The following SUPV3L1 variants were observed in gnomAD, a reference collection of about 807,000 sequenced individuals.
The protein encoded by SUPV3L1 is Suv3 like RNA helicase, also known as ATP-dependent RNA helicase SUPV3L1, mitochondrial.
SUPV3L1 carries 35 observed loss-of-function variants against 70.0 expected under a neutral mutation model. The ratio of observed to expected loss-of-function variants is 0.50; its 90% CI spans 0.38 to 0.66. The LOEUF (loss-of-function observed/expected upper bound fraction) is 0.66, where lower values mean the gene tolerates loss of function less well. Ranked by LOEUF, SUPV3L1 falls within the 30% of genes least tolerant of loss-of-function variation. The probability of loss-of-function intolerance (pLI) is 0.00; values close to 1 mark genes in which losing one functional copy is unlikely to be tolerated. For missense variants in SUPV3L1, 777 were observed against 961.5 expected, an observed-to-expected ratio of 0.81 and a Z score of 2.54; for synonymous variants, 364 against 341.9, an observed-to-expected ratio of 1.06 and a Z score of -0.71.
At position 69,207,854 on chromosome 10, in the gene SUPV3L1, A is replaced by G. The variant is rs141062949; in HGVS notation, c.1838A>G (p.Lys613Arg). The change falls in exon 14 of 15, where the codon AAA becomes AGA. Residue 613 changes from lysine (K) to arginine (R), a missense_variant. Lys to Arg is a conservative substitution (Grantham distance 26). This residue lies in a region of SUPV3L1 where 619 missense variants were observed against 823.3 expected (regional missense o/e 0.75). Transcript: ENST00000359655. ...TTTGCATGGTTACGCCGATACATCAAATGGCCTTTACTTCCACCTAAGAAT... is the reference window on the plus strand; with the variant it reads ...TTTGCATGGTTACGCCGATACATCAGATGGCCTTTACTTCCACCTAAGAAT... ...LTFAWLRRYI[K>R]WPLLPPKNIK... 1.2e-4 allele frequency: 189 copies of G among 1,614,026 alleles called. No individual in the cohort carries two copies. Among genetic ancestry groups the G allele is most frequent in the South Asian group, 6.6e-5 (6 of 91,084 alleles).
intron 6 of SUPV3L1, 88 bp downstream of exon 6, chr10:69,191,854 T>G: frequency 1.1e-6 from 1 of 932,486 alleles, no homozygotes; most frequent in Non-Finnish European, 1.6e-6. Context: ...TTGTCCAGGC[T>G]GGAATGCAAT....
chr10:69,196,973 C>T lies in SUPV3L1; in HGVS notation c.932-19C>T. ...ATTATAAATCTTTAAAATTAAGAAA[C>T]CCAGTTTTGCATTGACAGGACTGTG... On this transcript the variant is annotated intron_variant, in intron 7 of 14. Coordinates refer to ENST00000359655, the MANE Select transcript of SUPV3L1 (RefSeq NM_003171.5). 1 of 1,608,450 alleles carries T rather than the reference C, an allele frequency of 6.2e-7. No individual in the cohort carries two copies.
intron 6 of SUPV3L1, chr10:69,192,839 A>G (rs891277094): frequency 6.6e-6 from 1 of 152,046 alleles, no homozygotes; most frequent in African/African-American, 2.4e-5. Context: ...CTGAGTAGCT[A>G]CAACTACAGG....
At chr10:69,188,134 C>T (rs936318824) in intron 4 of SUPV3L1, among the ~76,000 whole-genome samples, 21 of 152,172 alleles carry the variant, frequency 1.4e-4, no homozygotes, top group African/African-American at 5.1e-4. Flanking sequence ...TCCACTGAAA[C>T]CCTTGGTAGG....
At chr10:69,184,985 A>G (rs1041855141) in intron 1 of SUPV3L1, among the ~76,000 whole-genome samples, 12 of 152,200 alleles carry the variant, frequency 7.9e-5, no homozygotes, top group African/African-American at 2.9e-4. Flanking sequence ...ATACAATCTC[A>G]GCTTGATTAG....
intron 14 of SUPV3L1, 121 bp downstream of exon 14, chr10:69,208,062 A>C: frequency 7.9e-7 from 1 of 1,259,304 alleles, no homozygotes; most frequent in Non-Finnish European, 1.1e-6. Flanking sequence ...TATTATGTCT[A>C]TTGTCCATAA....
intron 3 of SUPV3L1, 40 bp from the exon 4 acceptor site, chr10:69,187,602 A>G: frequency 7.2e-7 from 1 of 1,380,990 alleles, no homozygotes; most frequent in Non-Finnish European, 1.0e-6. Flanking sequence ...TACGAATTTT[A>G]TGTAGATTGC....
intron 11 of SUPV3L1, among the ~76,000 whole-genome samples, chr10:69,202,117 G>A (rs1420469446): frequency 6.6e-6 from 1 of 152,148 alleles, no homozygotes; most frequent in Non-Finnish European, 1.5e-5. Context: ...GGGATTACAG[G>A]CATGAGCCAC....
chr10:69,186,764 A>G (rs1842243934), intron 3 of SUPV3L1, among the ~76,000 whole-genome samples: 1 of 152,142 alleles, frequency 6.6e-6, no homozygotes, highest in Non-Finnish European at 1.5e-5. Context: ...TATGTCTTAG[A>G]CTGGAGGAAG....
chr10:69,198,407 G>A lies in SUPV3L1; in HGVS notation c.1059G>A (p.Val353=), dbSNP rs776782341. 5 of 1,613,870 alleles carry A rather than the reference G, an allele frequency of 3.1e-6. No homozygotes were observed. Among genetic ancestry groups the A allele is most frequent in the Non-Finnish European group, 4.2e-6 (5 of 1,179,954 alleles). The change falls in exon 9 of 15, where the codon GTG becomes GTA. Residue 353 remains valine (V), a synonymous_variant. Transcript: ENST00000359655. ...RDYKRLTPIS[V]LDHALESLDN... ...ATAAGAGGCTTACCCCCATTTCTGTGCTGGACCATGCACTAGAATCTTTAG... is the reference window on the plus strand; with the variant it reads ...ATAAGAGGCTTACCCCCATTTCTGTACTGGACCATGCACTAGAATCTTTAG...
At chr10:69,189,463 T>G in intron 5 of SUPV3L1, 28 bp downstream of exon 5, 1 of 1,546,562 alleles carries the variant, frequency 6.5e-7, no homozygotes, top group Non-Finnish European at 8.7e-7. Context: ...TATTTGCTCA[T>G]TTTTTTCTTA....
chr10:69,206,386 T>A (rs1842828745), intron 13 of SUPV3L1, among the ~76,000 whole-genome samples: 1 of 152,214 alleles, frequency 6.6e-6, no homozygotes, highest in Non-Finnish European at 1.5e-5. Context: ...AATCAGGAAA[T>A]GAATCATTTG....
Position 69,197,037 on chromosome 10 carries a change from T to C in SUPV3L1, c.977T>C (p.Ile326Thr), listed in dbSNP as rs749771288. Reference sequence around the variant, plus strand: ...CATTTGTGTGGAGAACCTGCTGCTATTGACCTGGTGATGGAGCTTATGTAC... The same window carrying C: ...CATTTGTGTGGAGAACCTGCTGCTACTGACCTGGTGATGGAGCTTATGTAC... ...EVHLCGEPAA[I>T]DLVMELMYTT... Residue 326 changes from isoleucine (I) to threonine (T), a missense_variant, in exon 8 of 15, where the codon ATT becomes ACT. Ile to Thr is a moderately conservative substitution (Grantham distance 89). Transcript: ENST00000359655. 55 of 1,614,030 alleles carry C rather than the reference T, an allele frequency of 3.4e-5. No individual in the cohort carries two copies. Among genetic ancestry groups the C allele is most frequent in the Non-Finnish European group, 4.4e-5 (52 of 1,180,006 alleles).
At position 69,197,041 on chromosome 10, in the gene SUPV3L1, C is replaced by G. The variant is rs1456497278; in HGVS notation, c.981C>G (p.Asp327Glu). 1.9e-6 allele frequency: 3 copies of G among 1,613,918 alleles called. No individual in the cohort carries two copies. The highest frequency in any genetic ancestry group is 2.5e-6 in the Non-Finnish European group (3 of 1,179,992). The change falls in exon 8 of 15, where the codon GAC becomes GAG. Residue 327 changes from aspartate to glutamate, a missense_variant. Physicochemically the swap from Asp to Glu is conservative, Grantham distance 45 (BLOSUM62 2). Around this residue, in one of 2 missense-constraint regions of SUPV3L1, gnomAD observed 619 missense variants for 823.3 expected, o/e 0.75. Coordinates refer to ENST00000359655, the MANE Select transcript of SUPV3L1 (RefSeq NM_003171.5). ...VHLCGEPAAI[D>E]LVMELMYTTG... Reference sequence around the variant, plus strand: ...TGTGTGGAGAACCTGCTGCTATTGACCTGGTGATGGAGCTTATGTACACAA... The same window carrying G: ...TGTGTGGAGAACCTGCTGCTATTGAGCTGGTGATGGAGCTTATGTACACAA...
chr10:69,188,600 G>A lies in SUPV3L1; in HGVS notation c.573-667G>A, dbSNP rs895520703. On this transcript the variant is annotated intron_variant, in intron 4 of 14. Coordinates refer to ENST00000359655, the MANE Select transcript of SUPV3L1 (RefSeq NM_003171.5). ...TGCAACCTGCACCTCACAGGTTCAA[G>A]TGATTCTCCTGCCTCAGCCTCCTGA... Among the ~76,000 whole-genome samples the A allele has an allele frequency of 2.6e-5, 4 of 152,168 alleles. No individual in the cohort carries two copies. In the South Asian group the frequency reaches 6.2e-4, roughly 24 times the overall value.
chr10:69,180,400 G>A lies in SUPV3L1; in HGVS notation c.109G>A (p.Gly37Arg). The A allele has an allele frequency of 6.2e-7, 1 of 1,614,230 alleles. No homozygotes were observed. ...ALRPHFGPFP[G>R]VLGQVSVLAT... is the part of the protein sequence containing the mutation. ...TCGTCCCCACTTTGGGCCCTTTCCC[G>A]GGGTTCTGGGGCAAGTTTCTGTCCT... Residue 37 changes from glycine to arginine, a missense_variant, in exon 1 of 15, where the codon GGG (glycine) becomes AGG (arginine). Coordinates refer to ENST00000359655, the MANE Select transcript of SUPV3L1 (RefSeq NM_003171.5).
intron 6 of SUPV3L1, among the ~76,000 whole-genome samples, chr10:69,194,083 C>A (rs751840330): frequency 3.3e-5 from 5 of 152,144 alleles, no homozygotes; most frequent in Non-Finnish European, 7.3e-5. Context: ...AACTTGCCTT[C>A]TTCTTTTACT....
chr10:69,186,018 C>G lies in SUPV3L1; in HGVS notation c.303C>G (p.Tyr101Ter). ...TAAAGAAGGTCTTAGACAAATTTTA[C>G]AAGAGGAAAGAAATTCAGAAACTGG... ...NEVKKVLDKFYKRKEIQKLGA... is the reference protein window; with the variant it reads ...NEVKKVLDKF The change falls in exon 2 of 15, where the codon TAC becomes TAG. Residue 101 changes from tyrosine to a stop codon, truncating the protein, a stop_gained. Transcript: ENST00000359655. LOFTEE classifies it high-confidence loss of function. 1.9e-6 allele frequency: 3 copies of G among 1,613,752 alleles called. No individual in the cohort carries two copies. Among genetic ancestry groups the G allele is most frequent in the Non-Finnish European group, 2.5e-6 (3 of 1,179,838 alleles).
At chr10:69,184,909 G>C (rs1262105808) in intron 1 of SUPV3L1, among the ~76,000 whole-genome samples, 1 of 152,158 alleles carries the variant, frequency 6.6e-6, no homozygotes, top group Non-Finnish European at 1.5e-5. Flanking sequence ...GAAATACATA[G>C]TGTGTGACTG....
Sources: allele counts gnomAD v4.1 joint callset (sites outside exome capture counted in the v4.1 genomes callset), GRCh38; gene constraint gnomAD v4.1.1; regional missense constraint gnomAD v4.1.1; transcripts MANE v1.5; gene names NCBI Gene and HGNC (gene_info 2026-07-23, HGNC 2026-07-21).